Variants in OTUD1 observed in about 807,000 individuals in gnomAD.
OTUD1 encodes OTU deubiquitinase 1.
OTUD1 carries 15 observed loss-of-function variants against 30.0 expected under a neutral mutation model. The observed-to-expected ratio is 0.50, with a 90% CI of 0.33 to 0.77. The LOEUF (loss-of-function observed/expected upper bound fraction) is 0.77, where lower values mean the gene tolerates loss of function less well. Ranked by LOEUF, OTUD1 falls within the 30% of genes least tolerant of loss-of-function variation. The pLI, the probability that OTUD1 is intolerant of heterozygous loss-of-function variation, is 0.02. For synonymous variants in OTUD1, 381 were observed against 326.3 expected (o/e 1.17, Z -1.81); for missense variants, 796 against 697.8 (o/e 1.14, Z -1.59).
rs772535064 is a variant in OTUD1, at chr10:23,440,849, A to G, written c.1392A>G (p.Lys464=). Residue 464 remains lysine, a synonymous_variant, in exon 1 of 1, where the codon AAA becomes AAG. Transcript: ENST00000376495. ...GGAAACGCGACGAAGAACTTGCCAA[A>G]TCTATGGCCATATCCTTGTCTAAAA... ...VQRKRDEELA[K]SMAISLSKMY... 8 of 1,551,984 alleles carry G rather than the reference A, an allele frequency of 5.2e-6. No individual in the cohort carries two copies. The South Asian group carries it at 7.1e-5, about 14-fold the overall frequency.
chr10:23,441,142 G>C lies in OTUD1; in HGVS notation c.*239G>C. The C allele has an allele frequency of 2.0e-6, 1 of 510,856 alleles. No individual in the cohort carries two copies. Among genetic ancestry groups the C allele is most frequent in the Non-Finnish European group, 3.5e-6 (1 of 282,028 alleles). 31.6% of individuals were successfully genotyped at this position (510,856 alleles called of 1,614,324 possible). A position where few individuals can be genotyped will look rare whatever the true frequency, so the allele number is the denominator to read the frequency against. ...TGCTATTTATAATTTGCTGTATAAA[G>C]TGAGCATTACTTAATTTGCAAGCTG... On this transcript the variant is annotated 3_prime_UTR_variant, in exon 1 of 1. Coordinates refer to ENST00000376495, the MANE Select transcript of OTUD1 (RefSeq NM_001145373.3).
At position 23,439,703 on chromosome 10, in the gene OTUD1, G is replaced by GTCCGGGGCCGCCGCGCCCGCC. The variant is rs1220936327; in HGVS notation, c.251_271dup (p.Gly84_Ser90dup). The GTCCGGGGCCGCCGCGCCCGCC allele has an allele frequency of 2.1e-5, 25 of 1,212,820 alleles. No individual in the cohort carries two copies. In the Admixed American group the frequency reaches 1.0e-3, roughly 49 times the overall value. The allele number at this position is 1,212,820 out of a possible 1,614,324, so 75.1% of individuals were successfully genotyped here. ...CCTTCTCCTCCTGCTTCGAGGTGGTGTCCGGGGCCGCCGCGCCCGCCTCCG... is the reference window on the plus strand; with the variant it reads ...CCTTCTCCTCCTGCTTCGAGGTGGTGTCCGGGGCCGCCGCGCCCGCCTCCGGGGCCGCCGCGCCCGCCTCCG... On this transcript the variant is annotated inframe_insertion, in exon 1 of 1. Transcript: ENST00000376495.
Position 23,439,821 on chromosome 10 carries a change from G to T in OTUD1, c.364G>T (p.Asp122Tyr). 1.8e-6 allele frequency: 2 copies of T among 1,122,284 alleles called. No individual in the cohort carries two copies. Among genetic ancestry groups the T allele is most frequent in the Non-Finnish European group, 2.2e-6 (2 of 921,592 alleles). The allele number at this position is 1,122,284 out of a possible 1,614,324, so 69.5% of individuals were successfully genotyped here. A position where few individuals can be genotyped will look rare whatever the true frequency, so the allele number is the denominator to read the frequency against. ...GATCACCGTGCGGGCCCTGGGCGCCGACAGGCTCCTGCTGCACGGGCCCGA... is the reference window on the plus strand; with the variant it reads ...GATCACCGTGCGGGCCCTGGGCGCCTACAGGCTCCTGCTGCACGGGCCCGA... ...AQITVRALGA[D>Y]RLLLHGPDPV... Residue 122 changes from aspartate to tyrosine, a missense_variant, in exon 1 of 1, where the codon GAC becomes TAC. Transcript: ENST00000376495.
Position 23,439,782 on chromosome 10 carries a change from A to G in OTUD1, c.325A>G (p.Thr109Ala). The change falls in exon 1 of 1, where the codon ACG becomes GCG. Residue 109 changes from threonine to alanine, a missense_variant. Physicochemically the swap from Thr to Ala is moderately conservative, Grantham distance 58 (BLOSUM62 0). Transcript: ENST00000376495. ...SCKPPLPPHY[T>A]STAQITVRAL... is the part of the protein sequence containing the mutation. ...CAAGCCGCCGCTGCCGCCGCACTAC[A>G]CGTCCACCGCACAGATCACCGTGCG... is the stretch of plus-strand genomic sequence containing the variant. The G allele has an allele frequency of 1.7e-6, 2 of 1,155,720 alleles. No homozygotes were observed. The highest frequency in any genetic ancestry group is 2.1e-6 in the Non-Finnish European group (2 of 941,258). 71.6% of individuals were successfully genotyped at this position (1,155,720 alleles called of 1,614,324 possible). A position where few individuals can be genotyped will look rare whatever the true frequency, so the allele number is the denominator to read the frequency against.
rs1182699055 is a variant in OTUD1 at position 23,439,726 on chromosome 10, C to T, written c.269C>T (p.Ser90Phe). Residue 90 changes from serine to phenylalanine, a missense_variant, in exon 1 of 1, where the codon TCC becomes TTC. Physicochemically the swap from Ser to Phe is radical, Grantham distance 155. Transcript: ENST00000376495. ...GTGTCCGGGGCCGCCGCGCCCGCCT[C>T]CGCCGCCGCCGGCCCGCCCGGCGCG... Reference protein sequence around the residue: ...EVVSGAAAPASAAAGPPGASC... With the variant: ...EVVSGAAAPAFAAAGPPGASC... 13 of 1,175,396 alleles carry T rather than the reference C, an allele frequency of 1.1e-5. No homozygotes were observed. Among genetic ancestry groups the T allele is most frequent in the Non-Finnish European group, 1.4e-5 (13 of 955,700 alleles). 72.8% of individuals were successfully genotyped at this position (1,175,396 alleles called of 1,614,324 possible). A position where few individuals can be genotyped will look rare whatever the true frequency, so the allele number is the denominator to read the frequency against.
Position 23,439,916 on chromosome 10 carries a change from C to G in OTUD1, c.459C>G (p.Pro153=), listed in dbSNP as rs1024064598. 383 of 1,213,256 alleles carry G rather than the reference C, an allele frequency of 3.2e-4. No homozygotes were observed. The highest frequency in any genetic ancestry group is 3.7e-4 in the Non-Finnish European group (363 of 979,082). The allele number at this position is 1,213,256 out of a possible 1,614,324, so 75.2% of individuals were successfully genotyped here. The stretch of plus-strand genomic sequence containing the variant: ...GCTGCCTCCTGCTCGCCCCGGCGCC[C>G]GCAGCCCCGGTCCCGCCGCGGCGGG... ...RGRCLLLAPA[P]AAPVPPRRGS... is the part of the protein sequence containing the mutation. Residue 153 remains proline, a synonymous_variant, in exon 1 of 1, where the codon CCC becomes CCG. Transcript: ENST00000376495.
At position 23,442,178 on chromosome 10, in the gene OTUD1, A is replaced by G. The variant is rs1847137023; in HGVS notation, c.*1275A>G. 1.8e-5 allele frequency: 3 copies of G among 167,114 alleles called. No individual in the cohort carries two copies. Among genetic ancestry groups the G allele is most frequent in the Non-Finnish European group, 2.9e-5 (2 of 68,130 alleles). The allele number at this position is 167,114 out of a possible 1,614,324, so 10.4% of individuals were successfully genotyped here. On this transcript the variant is annotated 3_prime_UTR_variant, in exon 1 of 1. Transcript: ENST00000376495. ...ATAAAATGCAAAATTATACTTTTAC[A>G]ATGCCTTTTTGGATAGAGTGGTTTT...
At position 23,440,485 on chromosome 10, in the gene OTUD1, C is replaced by G. The variant is rs761283085; in HGVS notation, c.1028C>G (p.Thr343Arg). 1.7e-5 allele frequency: 26 copies of G among 1,551,586 alleles called. No individual in the cohort carries two copies. The highest frequency in any genetic ancestry group is 2.3e-5 in the Non-Finnish European group (26 of 1,147,004). The change falls in exon 1 of 1, where the codon ACG becomes AGG. Residue 343 changes from threonine to arginine, a missense_variant. By Grantham distance (71) the Thr-to-Arg change is moderately conservative. Coordinates refer to ENST00000376495, the MANE Select transcript of OTUD1 (RefSeq NM_001145373.3). ...CTGCACCGGGAGTTGAGGGAGCAGA[C>G]GGTGCACTACATCGCCGACCATCTC... The part of the protein sequence containing the change: ...QSLHRELREQ[T>R]VHYIADHLDH...
chr10:23,439,689 T>A lies in OTUD1; in HGVS notation c.232T>A (p.Cys78Ser), dbSNP rs1319351986. 2.1e-5 allele frequency: 26 copies of A among 1,267,426 alleles called. No homozygotes were observed. The highest frequency in any genetic ancestry group is 2.2e-5 in the Non-Finnish European group (22 of 1,000,338). 78.5% of individuals were successfully genotyped at this position (1,267,426 alleles called of 1,614,324 possible). ...CGCCAAGATGCCCGCCTTCTCCTCC[T>A]GCTTCGAGGTGGTGTCCGGGGCCGC... Reference protein sequence around the residue: ...PAAKMPAFSSCFEVVSGAAAP... With the variant: ...PAAKMPAFSSSFEVVSGAAAP... Residue 78 changes from cysteine to serine, a missense_variant, in exon 1 of 1, where the codon TGC (cysteine) becomes AGC (serine). By Grantham distance (112) the Cys-to-Ser change is moderately radical (BLOSUM62 -1). Transcript: ENST00000376495.
rs1847119950 is a variant in OTUD1 at position 23,440,854 on chromosome 10, T to C, written c.1397T>C (p.Met466Thr). The C allele has an allele frequency of 6.4e-7, 1 of 1,551,856 alleles. No individual in the cohort carries two copies. The highest frequency in any genetic ancestry group is 8.7e-7 in the Non-Finnish European group (1 of 1,147,032). ...RKRDEELAKS[M>T]AISLSKMYIE... Reference sequence around the variant, plus strand: ...CGCGACGAAGAACTTGCCAAATCTATGGCCATATCCTTGTCTAAAATGTAT... The same window carrying C: ...CGCGACGAAGAACTTGCCAAATCTACGGCCATATCCTTGTCTAAAATGTAT... Residue 466 changes from methionine (M) to threonine (T), a missense_variant, in exon 1 of 1, where the codon ATG (methionine) becomes ACG (threonine). By Grantham distance (81) the Met-to-Thr change is moderately conservative. Coordinates refer to ENST00000376495, the MANE Select transcript of OTUD1 (RefSeq NM_001145373.3).
Position 23,440,941 on chromosome 10 carries a change from A to G in OTUD1, c.*38A>G. On this transcript the variant is annotated 3_prime_UTR_variant, in exon 1 of 1. Coordinates refer to ENST00000376495, the MANE Select transcript of OTUD1 (RefSeq NM_001145373.3). The stretch of plus-strand genomic sequence containing the variant: ...CCTTACACCCTGGGAATAATTGCAT[A>G]TATAACTTGTGTTTGGAGAATCACA... 5 of 1,514,082 alleles carry G rather than the reference A, an allele frequency of 3.3e-6. No homozygotes were observed. Among genetic ancestry groups the G allele is most frequent in the East Asian group, 2.5e-5 (1 of 40,732 alleles). 93.8% of individuals were successfully genotyped at this position (1,514,082 alleles called of 1,614,324 possible). A position where few individuals can be genotyped will look rare whatever the true frequency, so the allele number is the denominator to read the frequency against.
In OTUD1 at chr10:23,440,145, G is replaced by A. The variant is rs1277065934; in HGVS notation, c.688G>A (p.Ala230Thr). 1 of 1,439,258 alleles carries A rather than the reference G, an allele frequency of 6.9e-7. No homozygotes were observed. The highest frequency in any genetic ancestry group is 9.1e-7 in the Non-Finnish European group (1 of 1,103,016). The allele number at this position is 1,439,258 out of a possible 1,614,324, so 89.2% of individuals were successfully genotyped here. ...GPGPWGEEHL[A>T]ERGPRGWERG... ...CGGTCCGTGGGGCGAAGAGCACTTG[G>A]CGGAGAGGGGCCCCAGGGGCTGGGA... is the stretch of plus-strand genomic sequence containing the variant. The change falls in exon 1 of 1, where the codon GCG becomes ACG. Residue 230 changes from alanine to threonine, a missense_variant. By Grantham distance (58) the Ala-to-Thr change is moderately conservative. Coordinates refer to ENST00000376495, the MANE Select transcript of OTUD1 (RefSeq NM_001145373.3).
rs1478314168 is a variant in OTUD1, at chr10:23,442,209, T to G, written c.*1306T>G. 6.0e-6 allele frequency: 1 copy of G among 167,102 alleles called. No homozygotes were observed. Among genetic ancestry groups the G allele is most frequent in the African/African-American group, 2.4e-5 (1 of 41,478 alleles). 10.4% of individuals were successfully genotyped at this position (167,102 alleles called of 1,614,324 possible). A position where few individuals can be genotyped will look rare whatever the true frequency, so the allele number is the denominator to read the frequency against. ...TTTTTGGATAGAGTGGTTTTTAAAT[T>G]GTGATGTTTGTAGGAAACTTTCTTG... On this transcript the variant is annotated 3_prime_UTR_variant, in exon 1 of 1. Transcript: ENST00000376495.
In OTUD1 at chr10:23,439,943, C is replaced by T; in HGVS notation, c.486C>T (p.Gly162=). 8.1e-7 allele frequency: 1 copy of T among 1,234,542 alleles called. No individual in the cohort carries two copies. The highest frequency in any genetic ancestry group is 1.0e-6 in the Non-Finnish European group (1 of 990,990). 76.5% of individuals were successfully genotyped at this position (1,234,542 alleles called of 1,614,324 possible). The change falls in exon 1 of 1, where the codon GGC becomes GGT. Residue 162 remains glycine (G), a synonymous_variant. Coordinates refer to ENST00000376495, the MANE Select transcript of OTUD1 (RefSeq NM_001145373.3). ...APAAPVPPRR[G]SSAWLLEELL... is the part of the protein sequence containing the mutation. ...CAGCCCCGGTCCCGCCGCGGCGGGG[C>T]TCCTCGGCCTGGCTCCTGGAGGAGC...
chr10:23,440,774 C>T lies in OTUD1; in HGVS notation c.1317C>T (p.Ser439=). ...NGHYDAVFDH[S]YPNPEYDNWC... ...ACTATGATGCTGTATTTGATCACTCCTATCCTAACCCAGAGTACGACAACT... is the reference window on the plus strand; with the variant it reads ...ACTATGATGCTGTATTTGATCACTCTTATCCTAACCCAGAGTACGACAACT... The change falls in exon 1 of 1, where the codon TCC becomes TCT. Residue 439 remains serine (S), a synonymous_variant. Coordinates refer to ENST00000376495, the MANE Select transcript of OTUD1 (RefSeq NM_001145373.3). 1 of 1,552,176 alleles carries T rather than the reference C, an allele frequency of 6.4e-7. No individual in the cohort carries two copies. Among genetic ancestry groups the T allele is most frequent in the South Asian group, 1.2e-5 (1 of 84,068 alleles).
chr10:23,439,839 G>C lies in OTUD1; in HGVS notation c.382G>C (p.Gly128Arg). ...GGGCGCCGACAGGCTCCTGCTGCAC[G>C]GGCCCGATCCCGTTCCCGGCGCCGC... ...ALGADRLLLH[G>R]PDPVPGAAGS... is the part of the protein sequence containing the mutation. Residue 128 changes from glycine to arginine, a missense_variant, in exon 1 of 1, where the codon GGG (glycine) becomes CGG (arginine). By Grantham distance (125) the Gly-to-Arg change is moderately radical. Coordinates refer to ENST00000376495, the MANE Select transcript of OTUD1 (RefSeq NM_001145373.3). 2 of 1,121,900 alleles carry C rather than the reference G, an allele frequency of 1.8e-6. No individual in the cohort carries two copies. The highest frequency in any genetic ancestry group is 2.2e-6 in the Non-Finnish European group (2 of 920,652). 69.5% of individuals were successfully genotyped at this position (1,121,900 alleles called of 1,614,324 possible).
In OTUD1 at chr10:23,439,774, C is replaced by A; in HGVS notation, c.317C>A (p.Pro106Gln). Residue 106 changes from proline (P) to glutamine (Q), a missense_variant, in exon 1 of 1, where the codon CCG becomes CAG. Transcript: ENST00000376495. Reference sequence around the variant, plus strand: ...GCGTCCTGCAAGCCGCCGCTGCCGCCGCACTACACGTCCACCGCACAGATC... The same window carrying A: ...GCGTCCTGCAAGCCGCCGCTGCCGCAGCACTACACGTCCACCGCACAGATC... ...PGASCKPPLP[P>Q]HYTSTAQITV... 8.6e-7 allele frequency: 1 copy of A among 1,157,116 alleles called. No homozygotes were observed. Among genetic ancestry groups the A allele is most frequent in the Non-Finnish European group, 1.1e-6 (1 of 942,300 alleles). 71.7% of individuals were successfully genotyped at this position (1,157,116 alleles called of 1,614,324 possible). A position where few individuals can be genotyped will look rare whatever the true frequency, so the allele number is the denominator to read the frequency against.
Position 23,442,013 on chromosome 10 carries a change from T to G in OTUD1, c.*1110T>G, listed in dbSNP as rs1345396797. Reference sequence around the variant, plus strand: ...CAATGTTTCCAACTTAAAATCAATCTCATTGCCACTTTAACTACTTTTAGT... The same window carrying G: ...CAATGTTTCCAACTTAAAATCAATCGCATTGCCACTTTAACTACTTTTAGT... On this transcript the variant is annotated 3_prime_UTR_variant, in exon 1 of 1. Transcript: ENST00000376495. 2 of 167,026 alleles carry G rather than the reference T, an allele frequency of 1.2e-5. No individual in the cohort carries two copies. The highest frequency in any genetic ancestry group is 1.3e-4 in the Admixed American group (2 of 15,290). The allele number at this position is 167,026 out of a possible 1,614,324, so 10.3% of individuals were successfully genotyped here.
rs1190054972 is a variant in OTUD1, at chr10:23,439,872, G to A, written c.415G>A (p.Ala139Thr). ...PDPVPGAAGSAAAPRGRCLLL... is the reference protein window; with the variant it reads ...PDPVPGAAGSTAAPRGRCLLL... ...TCCCGTTCCCGGCGCCGCGGGCTCC[G>A]CCGCTGCCCCGCGCGGCCGCTGCCT... Residue 139 changes from alanine to threonine, a missense_variant, in exon 1 of 1, where the codon GCC (alanine) becomes ACC (threonine). By Grantham distance (58) the Ala-to-Thr change is moderately conservative. Transcript: ENST00000376495. The A allele has an allele frequency of 6.1e-6, 7 of 1,138,846 alleles. No individual in the cohort carries two copies. The highest frequency in any genetic ancestry group is 6.4e-6 in the Non-Finnish European group (6 of 931,490). 70.5% of individuals were successfully genotyped at this position (1,138,846 alleles called of 1,614,324 possible). A position where few individuals can be genotyped will look rare whatever the true frequency, so the allele number is the denominator to read the frequency against.
Sources: allele counts gnomAD v4.1 joint callset, GRCh38; gene constraint gnomAD v4.1.1; transcripts MANE v1.5; gene names NCBI Gene and HGNC (gene_info 2026-07-23, HGNC 2026-07-21).